INPP5D: variants seen among roughly 807,000 people sequenced by gnomAD.
INPP5D encodes inositol polyphosphate-5-phosphatase D, also known as phosphatidylinositol 3,4,5-trisphosphate 5-phosphatase 1.
INPP5D carries 33 observed loss-of-function variants against 122.9 expected under a neutral mutation model. The observed-to-expected ratio is 0.27, with a 90% CI of 0.20 to 0.36. The LOEUF is 0.36. Among genes scored for constraint, INPP5D ranks in the 10% least tolerant of loss-of-function variants. The probability of loss-of-function intolerance (pLI) is 1.00; values close to 1 mark genes in which losing one functional copy is unlikely to be tolerated. For missense variants in INPP5D, 1,053 were observed against 1,412.7 expected, an observed-to-expected ratio of 0.75 and a Z score of 4.08; for synonymous variants, 584 against 576.2, an observed-to-expected ratio of 1.01 and a Z score of -0.19.
At position 233,204,418 on chromosome 2, in the gene INPP5D, T is replaced by A; in HGVS notation, c.3268T>A (p.Ser1090Thr). 9.9e-6 allele frequency: 16 copies of A among 1,609,364 alleles called. No individual in the cohort carries two copies. Among genetic ancestry groups the A allele is most frequent in the Non-Finnish European group, 1.4e-5 (16 of 1,178,472 alleles). Residue 1090 changes from serine (S) to threonine (T), a missense_variant, in exon 26 of 27, where the codon TCC becomes ACC. Physicochemically the swap from Ser to Thr is moderately conservative, Grantham distance 58 (BLOSUM62 1). This residue lies in a region of INPP5D where 417 missense variants were observed against 425.8 expected (regional missense o/e 0.98). Coordinates refer to ENST00000445964, the MANE Select transcript of INPP5D (RefSeq NM_001017915.3). ...CCGGCTGCGCTCCTTCACGTGCTCA[T>A]CCTCTGCCGAGGGCAGGGCGGCCGG... is the stretch of plus-strand genomic sequence containing the variant. Reference protein sequence around the residue: ...APRLRSFTCSSSAEGRAAGGD... With the variant: ...APRLRSFTCSTSAEGRAAGGD...
rs183216966 is a variant in INPP5D at position 233,123,143 on chromosome 2, T to C, written c.349+886T>C. Among the ~76,000 whole-genome samples the C allele has an allele frequency of 9.7e-4, 148 of 152,082 alleles. 3 individuals carry two copies. Among genetic ancestry groups the C allele is most frequent in the African/African-American group, 3.3e-3 (138 of 41,488 alleles). ...AAGGGGGAGGGGGAAATACAACCCCTAAAAATATGTTGAAAAAAATGTACA... is the reference window on the plus strand; with the variant it reads ...AAGGGGGAGGGGGAAATACAACCCCCAAAAATATGTTGAAAAAAATGTACA... On this transcript the variant is annotated intron_variant, in intron 3 of 26. Transcript: ENST00000445964.
rs574680729 is a variant in INPP5D at position 233,062,032 on chromosome 2, G to A, written c.134+1420G>A. 3.9e-4 allele frequency among the ~76,000 whole-genome samples: 60 copies of A among 152,372 alleles called. 1 individual carries two copies. Among genetic ancestry groups the A allele is most frequent in the Admixed American group, 2.9e-3 (45 of 15,308 alleles). On this transcript the variant is annotated intron_variant, in intron 1 of 26. Coordinates refer to ENST00000445964, the MANE Select transcript of INPP5D (RefSeq NM_001017915.3). The stretch of plus-strand genomic sequence containing the variant: ...TCTCTCATGCCTCAGGGGAAGGAAC[G>A]CAGGCCCAGGCTGCCTGGACTTCCC...
At chr2:233,159,729 A>AG (rs1349786304) in intron 10 of INPP5D, among the ~76,000 whole-genome samples, 3 of 151,308 alleles carry the variant, frequency 2.0e-5, no homozygotes, top group Admixed American at 6.6e-5. Flanking sequence ...CAGCGCAATA[A>AG]GGGTGTCCAT....
chr2:233,101,141 C>A (rs189104390), intron 2 of INPP5D, among the ~76,000 whole-genome samples: 2 of 152,236 alleles, frequency 1.3e-5, no homozygotes, highest in African/African-American at 4.8e-5. Context: ...TGTCACTGGA[C>A]CACATGCCAT....
At chr2:233,068,103 T>C (rs895276594) in intron 1 of INPP5D, among the ~76,000 whole-genome samples, 1 of 151,428 alleles carries the variant, frequency 6.6e-6, no homozygotes, top group African/African-American at 2.4e-5. Flanking sequence ...ATGACCAACA[T>C]GGAGAAACCC....
In INPP5D at chr2:233,198,140, C is replaced by T. The variant is rs770305193; in HGVS notation, c.2739C>T (p.Pro913=). Residue 913 remains proline (P), a synonymous_variant, in exon 25 of 27, where the codon CCC becomes CCT. Transcript: ENST00000445964. The stretch of plus-strand genomic sequence containing the variant: ...CCAGCATCACTGAAATCATCAACCC[C>T]AACTACATGGGAGTGGGGCCCTTTG... ...SGSSITEIIN[P]NYMGVGPFGP... is the part of the protein sequence containing the mutation. 3 of 1,613,140 alleles carry T rather than the reference C, an allele frequency of 1.9e-6. No homozygotes were observed. The highest frequency in any genetic ancestry group is 2.2e-5 in the South Asian group (2 of 91,064).
intron 5 of INPP5D, among the ~76,000 whole-genome samples, chr2:233,138,661 A>G (rs1018606879): frequency 1.3e-5 from 2 of 152,206 alleles, no homozygotes; most frequent in African/African-American, 4.8e-5. Flanking sequence ...ATCTCTGGTT[A>G]TCCTAATTCT....
intron 5 of INPP5D, among the ~76,000 whole-genome samples, chr2:233,135,696 C>T (rs1253751786): frequency 6.6e-6 from 1 of 151,512 alleles, no homozygotes; most frequent in Non-Finnish European, 1.5e-5. Flanking sequence ...GAAGCCATGT[C>T]TCCAAGAAAA....
chr2:233,076,229 G>C (rs554292113), intron 1 of INPP5D: 4 of 152,332 alleles, frequency 2.6e-5, no homozygotes, highest in East Asian at 1.9e-4. Context: ...CAAGGGAAGA[G>C]AGCATTGAAA....
At chr2:233,073,372 G>C (rs142863812) in intron 1 of INPP5D, among the ~76,000 whole-genome samples, 2 of 152,202 alleles carry the variant, frequency 1.3e-5, no homozygotes, top group African/African-American at 4.8e-5. Context: ...GGACACAGTG[G>C]CTCACGCCTG....
chr2:233,079,041 T>A (rs1417663962), intron 1 of INPP5D, among the ~76,000 whole-genome samples: 4 of 152,086 alleles, frequency 2.6e-5, no homozygotes, highest in African/African-American at 9.7e-5. Context: ...AGCCCCTCCA[T>A]GTGGCAGACT....
chr2:233,207,598 G>GAAGA lies in INPP5D; in HGVS notation c.*891_*894dup. Reference sequence around the variant, plus strand: ...CAACATGTATTCCATCGTGCTGGTAGAAGAGTCTTTGCTGTTGCTCCCGAA... The same window carrying GAAGA: ...CAACATGTATTCCATCGTGCTGGTAGAAGAAAGAGTCTTTGCTGTTGCTCCCGAA... On this transcript the variant is annotated 3_prime_UTR_variant, in exon 27 of 27. Coordinates refer to ENST00000445964, the MANE Select transcript of INPP5D (RefSeq NM_001017915.3). This position sits in a 1 kb window ranked among gnomAD's most constrained non-coding sequence, Gnocchi z 4.6. 1 of 152,522 alleles carries GAAGA rather than the reference G, an allele frequency of 6.6e-6. No individual in the cohort carries two copies. The highest frequency in any genetic ancestry group is 2.1e-4 in the South Asian group (1 of 4,828). The allele number at this position is 152,522 out of a possible 1,614,324, so 9.4% of individuals were successfully genotyped here. A position where few individuals can be genotyped will look rare whatever the true frequency, so the allele number is the denominator to read the frequency against.
rs140591587 is a variant in INPP5D, at chr2:233,100,197, C to G, written c.198+20799C>G. Among the ~76,000 whole-genome samples, 1 of 152,178 alleles carries G rather than the reference C, an allele frequency of 6.6e-6. No homozygotes were observed. Among genetic ancestry groups the G allele is most frequent in the Non-Finnish European group, 1.5e-5 (1 of 68,026 alleles). On this transcript the variant is annotated intron_variant, in intron 2 of 26. Transcript: ENST00000445964. The surrounding 1 kb of genome is among the most constrained non-coding windows in gnomAD (Gnocchi z 5.3). ...CTTTGATGTGTCACCATCCCCACCT[C>G]GCCCTGTCGCCTCACTCGCAGCCTG...
Position 233,172,974 on chromosome 2 carries a change from C to T in INPP5D, c.1989+1822C>T, listed in dbSNP as rs145607527. ...CTATAATCCCAGCACTTTGGGAGGCCGAGGTGGGTGGATCACTTGAGGTTA... is the reference window on the plus strand; with the variant it reads ...CTATAATCCCAGCACTTTGGGAGGCTGAGGTGGGTGGATCACTTGAGGTTA... On this transcript the variant is annotated intron_variant, in intron 17 of 26. Transcript: ENST00000445964. Among the ~76,000 whole-genome samples the T allele has an allele frequency of 2.2e-3, 328 of 152,216 alleles. 1 individual carries two copies. Among genetic ancestry groups the T allele is most frequent in the Middle Eastern group, 6.8e-3 (2 of 294 alleles).
intron 2 of INPP5D, among the ~76,000 whole-genome samples, chr2:233,085,103 A>T (rs1691795576): frequency 6.6e-6 from 1 of 152,150 alleles, no homozygotes; most frequent in Non-Finnish European, 1.5e-5. Flanking sequence ...GTAGTGTTAC[A>T]GGCTGGGTGC....
At chr2:233,081,081 C>T (rs1559279232) in intron 2 of INPP5D, among the ~76,000 whole-genome samples, 1 of 152,226 alleles carries the variant, frequency 6.6e-6, no homozygotes. Context: ...CCTAGGGCGC[C>T]CGCAGGTTTG....
intron 2 of INPP5D, among the ~76,000 whole-genome samples, chr2:233,109,062 G>A (rs780388480): frequency 4.6e-5 from 7 of 152,216 alleles, no homozygotes; most frequent in South Asian, 2.1e-4. Flanking sequence ...CAGAAGCTAT[G>A]TCCTATCTAC....
At chr2:233,107,477 G>T (rs1427281844) in intron 2 of INPP5D, among the ~76,000 whole-genome samples, 1 of 152,202 alleles carries the variant, frequency 6.6e-6, no homozygotes, top group Non-Finnish European at 1.5e-5. Context: ...AGCAAAGAGG[G>T]TGTTGGCTAT....
intron 9 of INPP5D, among the ~76,000 whole-genome samples, chr2:233,148,581 G>A (rs1055295843): frequency 6.6e-6 from 1 of 152,284 alleles, no homozygotes. Flanking sequence ...GGTAGGCAAT[G>A]CCCAGTGCGG....
Sources: allele counts gnomAD v4.1 joint callset (sites outside exome capture counted in the v4.1 genomes callset), GRCh38; gene constraint gnomAD v4.1.1; regional missense constraint gnomAD v4.1.1; non-coding constraint Gnocchi (gnomAD v3.1); transcripts MANE v1.5; gene names NCBI Gene and HGNC (gene_info 2026-07-23, HGNC 2026-07-21).